FSTL1: variants seen among roughly 807,000 people sequenced by gnomAD.
FSTL1 encodes follistatin-related protein 1.
Under a neutral mutation model 45.9 loss-of-function variants are expected in FSTL1, and 24 were observed. The ratio of observed to expected loss-of-function variants is 0.52; its 90% CI spans 0.38 to 0.74. FSTL1 has a LOEUF of 0.74. Among genes scored for constraint, FSTL1 ranks in the 30% least tolerant of loss-of-function variants. The pLI, the probability that FSTL1 is intolerant of heterozygous loss-of-function variation, is 0.00. For synonymous variants in FSTL1, 120 were observed against 137.6 expected (o/e 0.87, Z 0.89); for missense variants, 340 against 381.8 (o/e 0.89, Z 0.91).
intron 2 of FSTL1, among the ~76,000 whole-genome samples, chr3:120,420,748 C>T (rs1306191315): frequency 6.6e-6 from 1 of 152,148 alleles, no homozygotes; most frequent in African/African-American, 2.4e-5. Flanking sequence ...ACCTCTGAGG[C>T]CCTTCTAGAT....
intron 8 of FSTL1, among the ~76,000 whole-genome samples, 161 bp downstream of exon 8, chr3:120,403,081 G>A (rs1426332653): frequency 6.6e-6 from 1 of 152,116 alleles, no homozygotes; most frequent in Non-Finnish European, 1.5e-5. Flanking sequence ...AGAATGTGGG[G>A]CCCTAACTTC....
At position 120,425,716 on chromosome 3, in the gene FSTL1, A is replaced by G. The variant is rs564174210; in HGVS notation, c.64-9689T>C. On this transcript the variant is annotated intron_variant, in intron 2 of 10. Coordinates refer to ENST00000295633, the MANE Select transcript of FSTL1 (RefSeq NM_007085.5). Reference sequence around the variant, plus strand: ...GCTAACCTAAATGGCCAAACTAAAGAAAGTGGTTATGTATACAGTCACATG... The same window carrying G: ...GCTAACCTAAATGGCCAAACTAAAGGAAGTGGTTATGTATACAGTCACATG... Among the ~76,000 whole-genome samples the G allele has an allele frequency of 1.6e-3, 239 of 152,312 alleles. 1 individual carries two copies. The highest frequency in any genetic ancestry group is 5.5e-3 in the African/African-American group (229 of 41,568).
chr3:120,430,245 CAGCCA>C (rs1937453479), intron 2 of FSTL1, among the ~76,000 whole-genome samples: 3 of 152,204 alleles, frequency 2.0e-5, no homozygotes, highest in Admixed American at 1.3e-4. Flanking sequence ...TTGGGAATCA[CAGCCA>C]TCTGGTAGGA....
At chr3:120,444,447 G>C (rs1368991673) in intron 2 of FSTL1, among the ~76,000 whole-genome samples, 2 of 149,566 alleles carry the variant, frequency 1.3e-5, no homozygotes, top group Non-Finnish European at 1.5e-5. Flanking sequence ...GTAAGGGAGA[G>C]GGTAATGGTA....
At chr3:120,436,507 T>C (rs1366295798) in intron 2 of FSTL1, among the ~76,000 whole-genome samples, 1 of 152,228 alleles carries the variant, frequency 6.6e-6, no homozygotes, top group African/African-American at 2.4e-5. Flanking sequence ...ATTACCCTTC[T>C]GTGGAACAGG....
rs1429168694 is a variant in FSTL1, at chr3:120,412,838, G to GCGCACACACACACA, written c.169-856_169-855insTGTGTGTGTGTGCG. Among the ~76,000 whole-genome samples, 14 of 106,192 alleles carry GCGCACACACACACA rather than the reference G, an allele frequency of 1.3e-4. No individual in the cohort carries two copies. The East Asian group carries it at 2.1e-3, about 16-fold the overall frequency. 69.7% of individuals were successfully genotyped at this position (106,192 alleles called of 152,430 possible). A position where few individuals can be genotyped will look rare whatever the true frequency, so the allele number is the denominator to read the frequency against. On this transcript the variant is annotated intron_variant, in intron 3 of 10. Transcript: ENST00000295633. Reference sequence around the variant, plus strand: ...CACATGTGCGCGCGCGCGCGCGCGCGCACACACACACACACACACACACAC... The same window carrying GCGCACACACACACA: ...CACATGTGCGCGCGCGCGCGCGCGCGCGCACACACACACACACACACACACACACACACACACAC...
chr3:120,403,760 T>C (rs540516925), intron 7 of FSTL1, among the ~76,000 whole-genome samples: 2 of 150,850 alleles, frequency 1.3e-5, no homozygotes, highest in Non-Finnish European at 3.0e-5. Flanking sequence ...GAAAGGAATA[T>C]AGGATTTGAA....
At chr3:120,411,019 G>C in intron 4 of FSTL1, 35 bp from the exon 5 acceptor site, 1 of 1,565,544 alleles carries the variant, frequency 6.4e-7, no homozygotes, top group Non-Finnish European at 8.7e-7. Context: ...GTAATGCGAA[G>C]TGAAGGAAAA....
chr3:120,393,555 C>T lies in FSTL1; in HGVS notation c.*3397G>A, dbSNP rs1373257193. Reference sequence around the variant, plus strand: ...TTCCATGTTCCCTGTACTACCTTCCCATGTTTATTTGCCTTCTCACAGGCT... The same window carrying T: ...TTCCATGTTCCCTGTACTACCTTCCTATGTTTATTTGCCTTCTCACAGGCT... On this transcript the variant is annotated 3_prime_UTR_variant, in exon 11 of 11. Transcript: ENST00000295633. 1 of 152,170 alleles carries T rather than the reference C, an allele frequency of 6.6e-6. No individual in the cohort carries two copies. The highest frequency in any genetic ancestry group is 2.4e-5 in the African/African-American group (1 of 41,440). 9.4% of individuals were successfully genotyped at this position (152,170 alleles called of 1,614,324 possible). A position where few individuals can be genotyped will look rare whatever the true frequency, so the allele number is the denominator to read the frequency against.
chr3:120,395,799 C>T lies in FSTL1; in HGVS notation c.*1153G>A. 1 of 496,500 alleles carries T rather than the reference C, an allele frequency of 2.0e-6. No homozygotes were observed. The highest frequency in any genetic ancestry group is 4.1e-6 in the Non-Finnish European group (1 of 245,846). 30.8% of individuals were successfully genotyped at this position (496,500 alleles called of 1,614,324 possible). The stretch of plus-strand genomic sequence containing the variant: ...CATTCTTACCAGCTCACTGAGGAAA[C>T]TGAGGTCCAGAAAAAAGAAGAGACA... On this transcript the variant is annotated 3_prime_UTR_variant, in exon 11 of 11. Transcript: ENST00000295633.
intron 6 of FSTL1, among the ~76,000 whole-genome samples, chr3:120,407,681 C>G (rs976336058): frequency 2.6e-5 from 4 of 152,200 alleles, no homozygotes; most frequent in Admixed American, 1.3e-4. Context: ...GGCAGTCTCC[C>G]TTTGAAGACA....
chr3:120,405,278 C>G (rs1936926254), intron 6 of FSTL1, among the ~76,000 whole-genome samples: 1 of 152,186 alleles, frequency 6.6e-6, no homozygotes, highest in Admixed American at 6.5e-5. Flanking sequence ...TTGACTATAC[C>G]TTTGGGTTCA....
At chr3:120,411,054 G>T in intron 4 of FSTL1, 70 bp from the exon 5 acceptor site, 1 of 1,031,738 alleles carries the variant, frequency 9.7e-7, no homozygotes, top group Non-Finnish European at 1.5e-6. Flanking sequence ...GTATTTCTAG[G>T]ATTACAGCTG....
At chr3:120,423,894 C>T (rs1241732543) in intron 2 of FSTL1, 1 of 152,154 alleles carries the variant, frequency 6.6e-6, no homozygotes. Context: ...CTAATACAGA[C>T]CATTTATCTG....
chr3:120,450,017 T>A (rs1337171486), intron 2 of FSTL1, among the ~76,000 whole-genome samples: 1 of 106,776 alleles, frequency 9.4e-6, no homozygotes, highest in Non-Finnish European at 2.5e-5. Flanking sequence ...GTCGTTAGAG[T>A]TGAAAAAATT....
Position 120,396,231 on chromosome 3 carries a change from A to G in FSTL1, c.*721T>C, listed in dbSNP as rs1249808443. The G allele has an allele frequency of 6.6e-6, 1 of 152,158 alleles. No homozygotes were observed. The highest frequency in any genetic ancestry group is 1.9e-4 in the East Asian group (1 of 5,188). 9.4% of individuals were successfully genotyped at this position (152,158 alleles called of 1,614,324 possible). On this transcript the variant is annotated 3_prime_UTR_variant, in exon 11 of 11. Coordinates refer to ENST00000295633, the MANE Select transcript of FSTL1 (RefSeq NM_007085.5). ...CCTAGTCAAGAAAATAAAATATTAA[A>G]AAACAATAATATAATGATAATAATT...
intron 3 of FSTL1, among the ~76,000 whole-genome samples, chr3:120,414,205 C>T (rs1030807449): frequency 2.2e-4 from 34 of 152,276 alleles, no homozygotes; most frequent in African/African-American, 7.7e-4. Flanking sequence ...GCTGCCACCC[C>T]GTCTGGGAAG....
At chr3:120,428,914 A>G (rs2107665086) in intron 2 of FSTL1, among the ~76,000 whole-genome samples, 1 of 152,338 alleles carries the variant, frequency 6.6e-6, no homozygotes, top group East Asian at 1.9e-4. Context: ...AGCTAAATGA[A>G]GTCTCCATAT....
In FSTL1 at chr3:120,395,361, A is replaced by G. The variant is rs984763783; in HGVS notation, c.*1591T>C. On this transcript the variant is annotated 3_prime_UTR_variant, in exon 11 of 11. Coordinates refer to ENST00000295633, the MANE Select transcript of FSTL1 (RefSeq NM_007085.5). ...AATCACAGAAGTCGAAAGACACAGGACTAACTGTAAATGACTGACCTCCCC... is the reference window on the plus strand; with the variant it reads ...AATCACAGAAGTCGAAAGACACAGGGCTAACTGTAAATGACTGACCTCCCC... 1 of 305,704 alleles carries G rather than the reference A, an allele frequency of 3.3e-6. No individual in the cohort carries two copies. Among genetic ancestry groups the G allele is most frequent in the Non-Finnish European group, 6.3e-6 (1 of 159,838 alleles). 18.9% of individuals were successfully genotyped at this position (305,704 alleles called of 1,614,324 possible).
Sources: gnomAD v4.1 joint callset for allele counts (sites outside exome capture counted in the v4.1 genomes callset) on GRCh38, gnomAD v4.1.1 for gene constraint, MANE v1.5 for transcripts, NCBI Gene and HGNC (gene_info 2026-07-23, HGNC 2026-07-21) for gene names.